ZFPM2: variants seen among roughly 807,000 people sequenced by gnomAD.
ZFPM2 encodes the protein zinc finger protein ZFPM2.
In ZFPM2, 20 loss-of-function variants were observed where a neutral mutation model predicts 98.6. The ratio of observed to expected loss-of-function variants is 0.20; its 90% CI spans 0.14 to 0.29. The LOEUF (loss-of-function observed/expected upper bound fraction) is 0.29. Ranked by LOEUF, ZFPM2 falls within the 10% of genes least tolerant of loss-of-function variation. ZFPM2 has a pLI of 1.00. For missense variants in ZFPM2, 1,310 were observed against 1,388.6 expected (o/e 0.94, Z 0.90); for synonymous variants, 518 against 502.7 (o/e 1.03, Z -0.41).
intron 3 of ZFPM2, among the ~76,000 whole-genome samples, chr8:105,519,971 CCA>C (rs1462754741): frequency 6.6e-6 from 1 of 152,024 alleles, no homozygotes; most frequent in Admixed American, 6.6e-5. Flanking sequence ...CTAAAATTCT[CCA>C]GTTTCTAATT....
intron 3 of ZFPM2, among the ~76,000 whole-genome samples, chr8:105,470,257 C>A (rs1331074033): frequency 6.6e-6 from 1 of 152,064 alleles, no homozygotes; most frequent in Non-Finnish European, 1.5e-5. Context: ...AGTCAGGAGC[C>A]GGGACACCGA....
intron 1 of ZFPM2, among the ~76,000 whole-genome samples, chr8:105,380,237 T>C (rs550305299): frequency 6.6e-6 from 1 of 152,082 alleles, no homozygotes; most frequent in Non-Finnish European, 1.5e-5. Context: ...CACACAGTAA[T>C]GCCAAAAATA....
At chr8:105,319,487 C>A (rs1360589569) in intron 1 of ZFPM2, 1 of 152,376 alleles carries the variant, frequency 6.6e-6, no homozygotes, top group Non-Finnish European at 1.5e-5. Context: ...CGTCAGGGTC[C>A]CGATCCTGGG....
At chr8:105,504,265 A>G (rs573822448) in intron 3 of ZFPM2, among the ~76,000 whole-genome samples, 1 of 152,164 alleles carries the variant, frequency 6.6e-6, no homozygotes, top group African/African-American at 2.4e-5. Flanking sequence ...CTCAGAGAAT[A>G]TGGTTGACTG....
intron 3 of ZFPM2, among the ~76,000 whole-genome samples, chr8:105,482,748 A>G (rs147565796): frequency 6.6e-6 from 1 of 152,206 alleles, no homozygotes; most frequent in African/African-American, 2.4e-5. Flanking sequence ...TTGTTTCCTA[A>G]TATTTTAGAA....
At chr8:105,448,298 A>G (rs1222587871) in intron 3 of ZFPM2, among the ~76,000 whole-genome samples, 1 of 151,988 alleles carries the variant, frequency 6.6e-6, no homozygotes, top group African/African-American at 2.4e-5. Context: ...GTCTTTGCCT[A>G]TATTTTATTT....
intron 4 of ZFPM2, among the ~76,000 whole-genome samples, chr8:105,598,855 A>G (rs780339025): frequency 1.3e-5 from 2 of 152,144 alleles, no homozygotes; most frequent in Non-Finnish European, 2.9e-5. Flanking sequence ...ACTTTCCCCA[A>G]TTATGAAGTC....
chr8:105,672,982 A>G (rs1387754732), intron 5 of ZFPM2, among the ~76,000 whole-genome samples: 3 of 152,124 alleles, frequency 2.0e-5, no homozygotes, highest in Non-Finnish European at 4.4e-5. Flanking sequence ...AAATTAACAC[A>G]GGGGGAAATT....
chr8:105,794,559 G>T (rs550207634), intron 6 of ZFPM2, among the ~76,000 whole-genome samples: 2 of 152,168 alleles, frequency 1.3e-5, no homozygotes, highest in African/African-American at 4.8e-5. Flanking sequence ...GGCAGTCTGC[G>T]GGTTCTCAGA....
intron 5 of ZFPM2, among the ~76,000 whole-genome samples, chr8:105,645,181 A>G (rs1563755887): frequency 6.6e-6 from 1 of 152,216 alleles, no homozygotes; most frequent in Non-Finnish European, 1.5e-5. Flanking sequence ...ATAGAAAGCT[A>G]TGATGTCTAT....
intron 1 of ZFPM2, among the ~76,000 whole-genome samples, chr8:105,385,647 A>G (rs1810972975): frequency 1.3e-5 from 2 of 152,172 alleles, no homozygotes; most frequent in African/African-American, 4.8e-5. Flanking sequence ...AATACATGCA[A>G]ATATTATTTT....
At chr8:105,486,021 C>T (rs547768922) in intron 3 of ZFPM2, among the ~76,000 whole-genome samples, 9 of 152,184 alleles carry the variant, frequency 5.9e-5, no homozygotes, top group African/African-American at 2.2e-4. Flanking sequence ...TTGGATGACT[C>T]ACATGAAAAG....
At chr8:105,797,508 C>T (rs7815178) in intron 6 of ZFPM2, among the ~76,000 whole-genome samples, 12,996 of 152,184 alleles carry the variant, frequency 0.085, 1,822 homozygotes, top group African/African-American at 0.29. Context: ...AGTGATGCTT[C>T]GTAATCATTA....
Position 105,547,767 on chromosome 8 carries a change from C to A in ZFPM2, c.302-13596C>A, listed in dbSNP as rs533958722. Among the ~76,000 whole-genome samples, 4 of 152,102 alleles carry A rather than the reference C, an allele frequency of 2.6e-5. No individual in the cohort carries two copies. The South Asian group carries it at 8.3e-4, about 32-fold the overall frequency. On this transcript the variant is annotated intron_variant, in intron 3 of 7. Transcript: ENST00000407775. Reference sequence around the variant, plus strand: ...TAATTTCAAACATAATTTCTATCTTCTGATACAAAGATGTTTTGACAGATA... The same window carrying A: ...TAATTTCAAACATAATTTCTATCTTATGATACAAAGATGTTTTGACAGATA...
intron 3 of ZFPM2, among the ~76,000 whole-genome samples, chr8:105,524,190 A>G (rs1814122832): frequency 6.6e-6 from 1 of 152,198 alleles, no homozygotes; most frequent in East Asian, 1.9e-4. Context: ...AAAGTCTACT[A>G]AAGTAGATTA....
At chr8:105,450,449 A>T (rs1812462770) in intron 3 of ZFPM2, among the ~76,000 whole-genome samples, 1 of 152,146 alleles carries the variant, frequency 6.6e-6, no homozygotes, top group Non-Finnish European at 1.5e-5. Context: ...CCATAGATAT[A>T]GTCTGACAGT....
intron 3 of ZFPM2, among the ~76,000 whole-genome samples, chr8:105,534,105 CCCTTCCTT>C: frequency 2.9e-5 from 1 of 33,964 alleles, no homozygotes; most frequent in African/African-American, 1.6e-4. Context: ...CTCCCTTCCT[CCCTTCCTT>C]CCTCCCTTCC....
At chr8:105,729,600 C>G (rs1811884720) in intron 5 of ZFPM2, among the ~76,000 whole-genome samples, 1 of 151,452 alleles carries the variant, frequency 6.6e-6, no homozygotes, top group Non-Finnish European at 1.5e-5. Flanking sequence ...ATTTAGTAGC[C>G]CCTACATTGC....
At chr8:105,443,601 T>C (rs985437584) in intron 2 of ZFPM2, among the ~76,000 whole-genome samples, 1 of 152,202 alleles carries the variant, frequency 6.6e-6, no homozygotes, top group Non-Finnish European at 1.5e-5. Context: ...GTTTCTCCTT[T>C]GCCATAACTA....
Sources: gnomAD v4.1 joint callset for allele counts (sites outside exome capture counted in the v4.1 genomes callset) on GRCh38, gnomAD v4.1.1 for gene constraint, MANE v1.5 for transcripts, NCBI Gene and HGNC (gene_info 2026-07-23, HGNC 2026-07-21) for gene names.